The following GALNTL6 variants were observed in gnomAD, a reference collection of about 807,000 sequenced individuals.
GALNTL6 encodes the protein polypeptide N-acetylgalactosaminyltransferase-like 6.
In GALNTL6, 46 loss-of-function variants were observed where a neutral mutation model predicts 73.7. That is an observed-to-expected ratio of 0.62 (90% confidence interval 0.49 to 0.80). The LOEUF (loss-of-function observed/expected upper bound fraction) is 0.80, where lower values mean the gene tolerates loss of function less well. GALNTL6 is among the 30% of genes least tolerant of loss of function. GALNTL6 has a pLI of 0.00. For missense variants in GALNTL6, 604 were observed against 755.0 expected, an observed-to-expected ratio of 0.80 and a Z score of 2.34; for synonymous variants, 259 against 263.7, an observed-to-expected ratio of 0.98 and a Z score of 0.17.
chr4:172,502,456 A>G (rs1734293477), intron 5 of GALNTL6, among the ~76,000 whole-genome samples: 1 of 147,510 alleles, frequency 6.8e-6, no homozygotes, highest in Non-Finnish European at 1.5e-5. Flanking sequence ...AAATCACAAC[A>G]TTCAACTCAT....
At position 171,855,816 on chromosome 4, in the gene GALNTL6, G is replaced by A. The variant is rs72983820; in HGVS notation, c.138+41098G>A. The stretch of plus-strand genomic sequence containing the variant: ...TTTTAGCCAATTTAATAGGTAGGTA[G>A]CTATATCTCATTCTTGTTTTAATTT... On this transcript the variant is annotated intron_variant, in intron 2 of 12. Coordinates refer to ENST00000506823, the MANE Select transcript of GALNTL6 (RefSeq NM_001034845.3). Among the ~76,000 whole-genome samples, 348 of 152,230 alleles carry A rather than the reference G, an allele frequency of 2.3e-3. 4 individuals carry two copies. The highest frequency in any genetic ancestry group is 8.0e-3 in the African/African-American group (333 of 41,542).
chr4:172,549,626 G>A (rs1735887467), intron 5 of GALNTL6, among the ~76,000 whole-genome samples: 1 of 151,682 alleles, frequency 6.6e-6, no homozygotes, highest in South Asian at 2.1e-4. Flanking sequence ...ACAAAATGTT[G>A]CTTATTTTCT....
At chr4:171,988,939 T>C (rs968876941) in intron 2 of GALNTL6, among the ~76,000 whole-genome samples, 1 of 151,786 alleles carries the variant, frequency 6.6e-6, no homozygotes, top group Non-Finnish European at 1.5e-5. Flanking sequence ...AAGGTGGCAA[T>C]GAGGTGTGGC....
intron 7 of GALNTL6, among the ~76,000 whole-genome samples, chr4:172,857,246 T>G (rs1407588439): frequency 6.6e-6 from 1 of 152,198 alleles, no homozygotes; most frequent in South Asian, 2.1e-4. Flanking sequence ...ATTAGGGCAG[T>G]GTGCATCCAA....
chr4:172,987,189 T>C (rs1751325676), intron 10 of GALNTL6, among the ~76,000 whole-genome samples: 1 of 152,154 alleles, frequency 6.6e-6, no homozygotes, highest in Non-Finnish European at 1.5e-5. Flanking sequence ...CAAGACTGAA[T>C]AATTTATAAA....
intron 5 of GALNTL6, among the ~76,000 whole-genome samples, chr4:172,435,332 A>C (rs1394273374): frequency 6.6e-6 from 1 of 152,160 alleles, no homozygotes; most frequent in African/African-American, 2.4e-5. Flanking sequence ...AACAAGGAAA[A>C]AATAAAACCA....
chr4:172,873,344 C>T (rs532835478), intron 7 of GALNTL6, among the ~76,000 whole-genome samples: 12 of 152,270 alleles, frequency 7.9e-5, no homozygotes, highest in East Asian at 1.9e-4. Flanking sequence ...AATTCTCTCA[C>T]GATAACTCAG....
chr4:172,524,276 T>A (rs776089862), intron 5 of GALNTL6, among the ~76,000 whole-genome samples: 16 of 151,736 alleles, frequency 1.1e-4, no homozygotes, highest in Non-Finnish European at 1.9e-4. Flanking sequence ...TGAGACAGAG[T>A]CTCACTCTGT....
intron 7 of GALNTL6, among the ~76,000 whole-genome samples, chr4:172,823,865 G>T (rs1036775060): frequency 1.3e-5 from 2 of 152,094 alleles, no homozygotes; most frequent in African/African-American, 4.8e-5. Flanking sequence ...TAACAAGGGG[G>T]CCAGGAGATG....
chr4:172,052,563 A>G, intron 2 of GALNTL6: 2 of 1,452,384 alleles, frequency 1.4e-6, no homozygotes, highest in Non-Finnish European at 1.9e-6. Flanking sequence ...GCTGCAGTGC[A>G]GACCAAGACA....
intron 5 of GALNTL6, among the ~76,000 whole-genome samples, chr4:172,582,680 G>C (rs78639004): frequency 6.6e-6 from 1 of 151,444 alleles, no homozygotes; most frequent in Non-Finnish European, 1.5e-5. Flanking sequence ...AGATAAAAAG[G>C]CATCACTAAA....
intron 2 of GALNTL6, among the ~76,000 whole-genome samples, chr4:172,136,330 T>A (rs2111028467): frequency 1.3e-5 from 2 of 152,166 alleles, no homozygotes; most frequent in African/African-American, 4.8e-5. Context: ...AAGAAAAACC[T>A]TAAGTGATTT....
intron 7 of GALNTL6, among the ~76,000 whole-genome samples, chr4:172,836,462 C>A (rs1006053949): frequency 6.6e-6 from 1 of 152,148 alleles, no homozygotes; most frequent in Admixed American, 6.5e-5. Flanking sequence ...TTTTTATCAA[C>A]CTGTGTTTGG....
intron 5 of GALNTL6, among the ~76,000 whole-genome samples, chr4:172,765,852 A>G (rs1401252043): frequency 1.8e-5 from 2 of 113,170 alleles, no homozygotes; most frequent in Non-Finnish European, 3.7e-5. Flanking sequence ...TTCCCAAAAA[A>G]TCACATGTTT....
At chr4:172,762,307 C>T (rs190308154) in intron 5 of GALNTL6, among the ~76,000 whole-genome samples, 11 of 152,134 alleles carry the variant, frequency 7.2e-5, no homozygotes, top group South Asian at 4.1e-4. Flanking sequence ...CTTGAGACAC[C>T]GAATTATATA....
chr4:172,288,366 C>T (rs1004319456), intron 3 of GALNTL6, among the ~76,000 whole-genome samples: 3 of 152,156 alleles, frequency 2.0e-5, no homozygotes, highest in Non-Finnish European at 4.4e-5. Context: ...GCTGGGATTA[C>T]AGGCATGAGC....
intron 5 of GALNTL6, among the ~76,000 whole-genome samples, chr4:172,721,999 T>TTTC (rs1553979215): frequency 6.7e-6 from 1 of 149,076 alleles, no homozygotes; most frequent in African/African-American, 2.5e-5. Flanking sequence ...TTTTTTTTTT[T>TTTC]CCCAAAATCG....
At chr4:172,918,114 T>C (rs1440199241) in intron 8 of GALNTL6, among the ~76,000 whole-genome samples, 3 of 152,072 alleles carry the variant, frequency 2.0e-5, no homozygotes, top group Non-Finnish European at 4.4e-5. Flanking sequence ...CTGGAAACCA[T>C]CATTCTGAGC....
intron 9 of GALNTL6, among the ~76,000 whole-genome samples, chr4:172,932,339 G>A (rs1748388521): frequency 6.6e-6 from 1 of 152,124 alleles, no homozygotes; most frequent in Admixed American, 6.6e-5. Flanking sequence ...GGAAAATGCT[G>A]GAGATTTAAG....
Sources: gnomAD v4.1 joint callset for allele counts (sites outside exome capture counted in the v4.1 genomes callset) on GRCh38, gnomAD v4.1.1 for gene constraint, MANE v1.5 for transcripts, NCBI Gene and HGNC (gene_info 2026-07-23, HGNC 2026-07-21) for gene names.